USF1: variants seen among roughly 807,000 people sequenced by gnomAD.
The protein encoded by USF1 is upstream stimulatory factor 1.
USF1 carries 22 observed loss-of-function variants against 46.3 expected under a neutral mutation model. The ratio of observed to expected loss-of-function variants is 0.47; its 90% CI spans 0.34 to 0.68. The LOEUF (loss-of-function observed/expected upper bound fraction) is 0.68. USF1 is among the 30% of genes least tolerant of loss of function. The probability of loss-of-function intolerance (pLI) is 0.01; values close to 1 mark genes in which losing one functional copy is unlikely to be tolerated. For synonymous variants in USF1, 150 were observed against 147.0 expected, an observed-to-expected ratio of 1.02 and a Z score of -0.15; for missense variants, 287 against 399.3, an observed-to-expected ratio of 0.72 and a Z score of 2.40.
chr1:161,044,706 G>C (rs536758563), intron 1 of USF1, among the ~76,000 whole-genome samples: 1 of 151,930 alleles, frequency 6.6e-6, no homozygotes, highest in South Asian at 2.1e-4. Flanking sequence ...AAAAAAACAG[G>C]GTTCTGAAGA....
intron 1 of USF1, among the ~76,000 whole-genome samples, chr1:161,044,725 AG>A (rs1650725579): frequency 6.6e-6 from 1 of 151,778 alleles, no homozygotes; most frequent in South Asian, 2.1e-4. Flanking sequence ...GAAGAGACAA[AG>A]GGGGAAGAAT....
In USF1 at chr1:161,043,259, T is replaced by C. The variant is rs757336251; in HGVS notation, c.8+9A>G. The C allele has an allele frequency of 2.5e-6, 4 of 1,614,188 alleles. No homozygotes were observed. Among genetic ancestry groups the C allele is most frequent in the Non-Finnish European group, 3.4e-6 (4 of 1,180,024 alleles). On this transcript the variant is annotated intron_variant, in intron 2 of 10. Coordinates refer to ENST00000368021, the MANE Select transcript of USF1 (RefSeq NM_007122.5). ...CTTTCATCCCAGACCCTACCTCTTC[T>C]TCACTCACCCCTTCATCTCTCTGTG...
In USF1 at chr1:161,041,612, T is replaced by C. The variant is rs749249035; in HGVS notation, c.472+39A>G. 3.2e-6 allele frequency: 5 copies of C among 1,585,042 alleles called. No individual in the cohort carries two copies. In the Admixed American group the frequency reaches 8.5e-5, roughly 27 times the overall value. On this transcript the variant is annotated intron_variant, in intron 6 of 10. Coordinates refer to ENST00000368021, the MANE Select transcript of USF1 (RefSeq NM_007122.5). ...CTACCAGTCATGTCCCACAGCCTAT[T>C]CTAGCCCTTTCAGCCAGCATCCTCA...
chr1:161,041,814 A>G lies in USF1; in HGVS notation c.309T>C (p.Asp103=), dbSNP rs1650575859. The G allele has an allele frequency of 6.2e-7, 1 of 1,613,702 alleles. No individual in the cohort carries two copies. Among genetic ancestry groups the G allele is most frequent in the African/African-American group, 1.3e-5 (1 of 74,892 alleles). ...CAGCTGTCCCCTCCGTGTCAACTGC[A>G]TCATCACTGGTGAAAGCACCCTGGA... The part of the protein sequence containing the change: ...AVIQGAFTSD[D]AVDTEGTAAE... The change falls in exon 6 of 11, where the codon GAT becomes GAC. Residue 103 remains aspartate (D), a synonymous_variant. Coordinates refer to ENST00000368021, the MANE Select transcript of USF1 (RefSeq NM_007122.5).
chr1:161,042,438 G>T, intron 4 of USF1, 117 bp downstream of exon 4: 1 of 1,199,942 alleles, frequency 8.3e-7, no homozygotes, highest in Non-Finnish European at 1.2e-6. Flanking sequence ...TCCCTCCCCT[G>T]CAACAGTCCA....
chr1:161,041,339 G>T lies in USF1; in HGVS notation c.545C>A (p.Thr182Asn), dbSNP rs976623004. 1 of 1,611,470 alleles carries T rather than the reference G, an allele frequency of 6.2e-7. No homozygotes were observed. Among genetic ancestry groups the T allele is most frequent in the Admixed American group, 1.7e-5 (1 of 59,858 alleles). The change falls in exon 7 of 11, where the codon ACT becomes AAT. Residue 182 changes from threonine to asparagine, a missense_variant. Coordinates refer to ENST00000368021, the MANE Select transcript of USF1 (RefSeq NM_007122.5). ...GGTCACTCACGGGGAATAAGGGTGAGTCCTAGGGGCAATTGAGCGCTGGCT... is the reference window on the plus strand; with the variant it reads ...GGTCACTCACGGGGAATAAGGGTGATTCCTAGGGGCAATTGAGCGCTGGCT... ...GGSQRSIAPR[T>N]HPYSPKSEAP... is the part of the protein sequence containing the mutation.
chr1:161,045,561 T>C (rs535739348), intron 1 of USF1, among the ~76,000 whole-genome samples: 1 of 152,208 alleles, frequency 6.6e-6, no homozygotes, highest in Admixed American at 6.5e-5. Context: ...CCCCAGCTGC[T>C]CCGCGGAGGA....
chr1:161,039,849 G>A lies in USF1; in HGVS notation c.*71C>T, dbSNP rs915607680. On this transcript the variant is annotated 3_prime_UTR_variant, in exon 11 of 11. Transcript: ENST00000368021. ...CCAGAAGTGGGGCAGTGAAGGAAAG[G>A]GGCACGGGATTAGGCTGTTGCTCCT... 53 of 1,523,768 alleles carry A rather than the reference G, an allele frequency of 3.5e-5. No individual in the cohort carries two copies. The Admixed American group carries it at 6.7e-4, about 19-fold the overall frequency. The allele number at this position is 1,523,768 out of a possible 1,614,324, so 94.4% of individuals were successfully genotyped here.
At chr1:161,045,421 C>A (rs1269426231) in intron 1 of USF1, among the ~76,000 whole-genome samples, 1 of 152,212 alleles carries the variant, frequency 6.6e-6, no homozygotes, top group Non-Finnish European at 1.5e-5. Flanking sequence ...GGCACCTAGA[C>A]CTTGCCTTAG....
chr1:161,041,544 A>G (rs1212527301), intron 6 of USF1, 107 bp downstream of exon 6: 3 of 1,483,478 alleles, frequency 2.0e-6, no homozygotes, highest in Non-Finnish European at 2.8e-6. Flanking sequence ...CTGCCTGTCC[A>G]GGTCTTAATG....
rs201864171 is a variant in USF1 at position 161,040,566 on chromosome 1, T to C, written c.714+10A>G. The stretch of plus-strand genomic sequence containing the variant: ...AGGCATCCTGCCCACTACCAGGGTC[T>C]TTCCATGACCTGGCCAGACTTGGTG... On this transcript the variant is annotated intron_variant, in intron 9 of 10. Coordinates refer to ENST00000368021, the MANE Select transcript of USF1 (RefSeq NM_007122.5). This position sits in a 1 kb window ranked among gnomAD's most constrained non-coding sequence, Gnocchi z 4.0. 3.1e-4 allele frequency: 492 copies of C among 1,610,584 alleles called. 1 individual carries two copies. The African/African-American group carries it at 4.9e-3, about 16-fold the overall frequency.
In USF1 at chr1:161,042,638, C is replaced by T. The variant is rs1650616639; in HGVS notation, c.91G>A (p.Val31Met). ...AVATGEDPTS[V>M]AIASIQSAAT... ...GCTGACTGGATGCTGGCAATAGCCA[C>T]ACTGGTTGGGTCTTCCCCAGTAGCC... The change falls in exon 4 of 11, where the codon GTG (valine) becomes ATG (methionine). Residue 31 changes from valine to methionine, a missense_variant. Physicochemically the swap from Val to Met is conservative, Grantham distance 21 (BLOSUM62 1). Coordinates refer to ENST00000368021, the MANE Select transcript of USF1 (RefSeq NM_007122.5). The T allele has an allele frequency of 1.2e-6, 2 of 1,614,238 alleles. No individual in the cohort carries two copies. The highest frequency in any genetic ancestry group is 2.7e-5 in the African/African-American group (2 of 75,062).
At chr1:161,043,475 G>A (rs778015030) in intron 1 of USF1, 115 bp from the exon 2 acceptor site, 18 of 749,796 alleles carry the variant, frequency 2.4e-5, no homozygotes, top group Non-Finnish European at 3.2e-5. Context: ...ATCTGCAGGG[G>A]ACAATCAGCC....
Position 161,040,442 on chromosome 1 carries a change from A to G in USF1, c.715-112T>C. 6.4e-7 allele frequency: 1 copy of G among 1,570,758 alleles called. No homozygotes were observed. Among genetic ancestry groups the G allele is most frequent in the Non-Finnish European group, 8.7e-7 (1 of 1,154,962 alleles). On this transcript the variant is annotated intron_variant, in intron 9 of 10. Transcript: ENST00000368021. The surrounding 1 kb of genome is among the most constrained non-coding windows in gnomAD (Gnocchi z 4.0). Reference sequence around the variant, plus strand: ...TTTCATCTAAGGAAGGTGGTATAATATCTCCCAGGGATACAGGAACCTCAG... The same window carrying G: ...TTTCATCTAAGGAAGGTGGTATAATGTCTCCCAGGGATACAGGAACCTCAG...
chr1:161,039,468 T>G lies in USF1; in HGVS notation c.*452A>C, dbSNP rs2102009957. 5.8e-6 allele frequency: 1 copy of G among 171,792 alleles called. No homozygotes were observed. Among genetic ancestry groups the G allele is most frequent in the South Asian group, 1.4e-4 (1 of 7,266 alleles). The allele number at this position is 171,792 out of a possible 1,614,324, so 10.6% of individuals were successfully genotyped here. On this transcript the variant is annotated 3_prime_UTR_variant, in exon 11 of 11. Transcript: ENST00000368021. Reference sequence around the variant, plus strand: ...CTAAACATCCTTCCCTCACTTCTTGTGTAAGCTTGCTCCCCTGAGCCACAG... The same window carrying G: ...CTAAACATCCTTCCCTCACTTCTTGGGTAAGCTTGCTCCCCTGAGCCACAG...
chr1:161,039,716 C>A lies in USF1; in HGVS notation c.*204G>T, dbSNP rs565475358. 12 of 596,210 alleles carry A rather than the reference C, an allele frequency of 2.0e-5. No individual in the cohort carries two copies. The African/African-American group carries it at 2.0e-4, about 10-fold the overall frequency. 36.9% of individuals were successfully genotyped at this position (596,210 alleles called of 1,614,324 possible). On this transcript the variant is annotated 3_prime_UTR_variant, in exon 11 of 11. Transcript: ENST00000368021. ...CCAGGGGCTGCATGGTGGGGGTGGG[C>A]AAGGCTGTCAGTGCACGTCCACATT...
intron 5 of USF1, 84 bp downstream of exon 5, chr1:161,042,031 TC>T (rs1650586570): frequency 1.4e-6 from 2 of 1,460,860 alleles, no homozygotes; most frequent in Admixed American, 1.9e-5. Context: ...GCCTCACTGT[TC>T]CTAGCTTCAC....
At position 161,041,401 on chromosome 1, in the gene USF1, A is replaced by G; in HGVS notation, c.483T>C (p.Phe161=). The part of the protein sequence containing the change: ...QATPPGTGQF[F]VMMSPQEVLQ... Reference sequence around the variant, plus strand: ...GTACTTCTTGTGGTGACATCATCACAAAGAATTGACCTGTGAAGATGCAGG... The same window carrying G: ...GTACTTCTTGTGGTGACATCATCACGAAGAATTGACCTGTGAAGATGCAGG... Residue 161 remains phenylalanine, a synonymous_variant, in exon 7 of 11, where the codon TTT becomes TTC. Transcript: ENST00000368021. 6.2e-7 allele frequency: 1 copy of G among 1,613,796 alleles called. No individual in the cohort carries two copies. Among genetic ancestry groups the G allele is most frequent in the East Asian group, 2.2e-5 (1 of 44,888 alleles).
At chr1:161,041,587 C>G in intron 6 of USF1, 64 bp downstream of exon 6, 1 of 1,559,324 alleles carries the variant, frequency 6.4e-7, no homozygotes, top group East Asian at 2.3e-5. Context: ...GGCTCACTGC[C>G]TACCAGTCAT....
Sources: gnomAD v4.1 joint callset for allele counts (sites outside exome capture counted in the v4.1 genomes callset) on GRCh38, gnomAD v4.1.1 for gene constraint, Gnocchi (gnomAD v3.1) non-coding constraint, MANE v1.5 for transcripts, NCBI Gene and HGNC (gene_info 2026-07-23, HGNC 2026-07-21) for gene names.